The following ARRDC5 variants were observed in gnomAD, a reference collection of about 807,000 sequenced individuals.
The protein encoded by ARRDC5 is arrestin domain-containing protein 5.
Under a neutral mutation model 13.3 loss-of-function variants are expected in ARRDC5, and 12 were observed. That is an observed-to-expected ratio of 0.90 (90% confidence interval 0.58 to 1.46). The LOEUF (loss-of-function observed/expected upper bound fraction) is 1.46. Ranked by LOEUF, ARRDC5 falls within the 40% of genes most tolerant of loss-of-function variation. The pLI is 0.00. For synonymous variants in ARRDC5, 181 were observed against 173.4 expected (o/e 1.04, Z -0.34); for missense variants, 406 against 418.7 (o/e 0.97, Z 0.26).
chr19:4,916,495 C>T, the ARRDC5 span, among the ~76,000 whole-genome samples: 28 of 152,224 alleles, frequency 1.8e-4, no homozygotes, highest in East Asian at 3.3e-3. Flanking sequence ...GTCTTTGTGG[C>T]GGTTGTGTTG....
chr19:4,908,317 A>T, the ARRDC5 span, among the ~76,000 whole-genome samples: 2 of 152,180 alleles, frequency 1.3e-5, no homozygotes, highest in African/African-American at 4.8e-5. Context: ...CCCACTGACC[A>T]GATAGAGGAG....
At chr19:4,913,566 G>A in the ARRDC5 span, among the ~76,000 whole-genome samples, 22 of 152,104 alleles carry the variant, frequency 1.4e-4, no homozygotes, top group South Asian at 4.6e-3. Context: ...CGTACATTGT[G>A]CTTTTAATTG....
At chr19:4,909,539 G>T in the ARRDC5 span, 4 of 659,710 alleles carry the variant, frequency 6.1e-6, no homozygotes, top group Non-Finnish European at 1.1e-5. Flanking sequence ...TTTGCCGAGC[G>T]GGCGCTCCGG....
At chr19:4,896,358 TTTTACACAC>T (rs1341290369) in intron 2 of ARRDC5, among the ~76,000 whole-genome samples, 64 of 84,650 alleles carry the variant, frequency 7.6e-4, no homozygotes, top group African/African-American at 2.5e-3. Context: ...ATTTTTTTTT[TTTTACACAC>T]ACACACACAC....
chr19:4,908,493 A>G, the ARRDC5 span, among the ~76,000 whole-genome samples: 64 of 152,042 alleles, frequency 4.2e-4, no homozygotes, highest in Middle Eastern at 6.8e-3. Flanking sequence ...GTGGGCCCCA[A>G]CCACACCAGC....
chr19:4,915,729 AAAC>A, the ARRDC5 span, among the ~76,000 whole-genome samples: 3 of 151,992 alleles, frequency 2.0e-5, no homozygotes, highest in Admixed American at 6.6e-5. Flanking sequence ...GCAAAACAAA[AAAC>A]AAAACCAAAA....
chr19:4,891,708 A>C (rs1011717787), intron 2 of ARRDC5, 135 bp from the exon 3 acceptor site: 2 of 754,790 alleles, frequency 2.6e-6, no homozygotes, highest in Non-Finnish European at 4.2e-6. Flanking sequence ...TATAATCCCA[A>C]CACCTTGGGA....
At chr19:4,909,286 C>T in the ARRDC5 span, 1 of 541,208 alleles carries the variant, frequency 1.8e-6, no homozygotes. Context: ...CACGCAGCCC[C>T]TTTGCACGCT....
upstream of ARRDC5, chr19:4,903,219 T>C (rs1360430175): frequency 3.1e-5 from 7 of 226,392 alleles, no homozygotes; most frequent in South Asian, 6.2e-5. Flanking sequence ...AGAGTTTCAC[T>C]GTGTTGGCCA....
upstream of ARRDC5, among the ~76,000 whole-genome samples, chr19:4,905,540 G>A (rs1339859765): frequency 6.6e-6 from 1 of 150,428 alleles, no homozygotes; most frequent in Non-Finnish European, 1.5e-5. Flanking sequence ...TTTTTGAGAT[G>A]GAGTTTTGCT....
At chr19:4,912,586 G>T in the ARRDC5 span, among the ~76,000 whole-genome samples, 2 of 152,084 alleles carry the variant, frequency 1.3e-5, no homozygotes, top group African/African-American at 2.4e-5. Context: ...TCGGTATTCT[G>T]ACTTATTAGG....
At chr19:4,903,355 C>A (rs1162109861), upstream of ARRDC5, 1 of 159,944 alleles carries the variant, frequency 6.3e-6, no homozygotes, top group East Asian at 1.8e-4. Context: ...TTCTGTCACC[C>A]AGGCTGGAGT....
chr19:4,909,723 A>T, the ARRDC5 span: 1 of 489,898 alleles, frequency 2.0e-6, no homozygotes, highest in East Asian at 3.6e-5. Flanking sequence ...ACTTTGCAAA[A>T]CTTTCCCGCG....
intron 1 of ARRDC5, 130 bp from the exon 2 acceptor site, chr19:4,897,006 G>A: frequency 1.6e-6 from 1 of 639,488 alleles, no homozygotes; most frequent in South Asian, 2.1e-5. Flanking sequence ...ACCCAGTCTG[G>A]AGTATAGTGG....
rs1212124889 is a variant in ARRDC5, at chr19:4,902,786, C to G, written c.40G>C (p.Asp14His). ...VKSIELVLPEDRIYLAGSSIK... is the reference protein window; with the variant it reads ...VKSIELVLPEHRIYLAGSSIK... ...CTGGAGCCAGCCAGGTAGATTCTAT[C>G]CTCGGGCAGCACTAATTCGATCGAC... The change falls in exon 1 of 3, where the codon GAT becomes CAT. Residue 14 changes from aspartate (D) to histidine (H), a missense_variant. Asp to His is a moderately conservative substitution (Grantham distance 81, BLOSUM62 -1). Transcript: ENST00000650722. 1.2e-6 allele frequency: 2 copies of G among 1,613,844 alleles called. No homozygotes were observed. The highest frequency in any genetic ancestry group is 1.3e-5 in the African/African-American group (1 of 74,914).
intron 2 of ARRDC5, among the ~76,000 whole-genome samples, chr19:4,896,098 T>C (rs1168924805): frequency 6.6e-6 from 1 of 152,072 alleles, no homozygotes; most frequent in East Asian, 1.9e-4. Context: ...GCGGATCACC[T>C]GAGGTCGGGA....
chr19:4,915,731 ACAAAAC>A, the ARRDC5 span, among the ~76,000 whole-genome samples: 1 of 152,066 alleles, frequency 6.6e-6, no homozygotes, highest in Non-Finnish European at 1.5e-5. Flanking sequence ...AAAACAAAAA[ACAAAAC>A]CAAAACAAAA....
chr19:4,902,959 G>C, upstream of ARRDC5: 1 of 1,348,102 alleles, frequency 7.4e-7, no homozygotes, highest in East Asian at 2.3e-5. Flanking sequence ...GACCCCAGTG[G>C]CCAGGAGGGG....
chr19:4,896,342 A>ATG (rs2031717102), intron 2 of ARRDC5, among the ~76,000 whole-genome samples: 1 of 78,918 alleles, frequency 1.3e-5, no homozygotes, highest in South Asian at 4.1e-4. Flanking sequence ...ATATATATAT[A>ATG]TATATATTTT....
Sources: allele counts gnomAD v4.1 joint callset (sites outside exome capture counted in the v4.1 genomes callset), GRCh38; gene constraint gnomAD v4.1.1; transcripts MANE v1.5; gene names NCBI Gene and HGNC (gene_info 2026-07-23, HGNC 2026-07-21).